Variants in UBE2E2 observed in about 807,000 individuals in gnomAD.
UBE2E2 encodes ubiquitin-conjugating enzyme E2 E2.
Under a neutral mutation model 24.7 loss-of-function variants are expected in UBE2E2, and 6 were observed. The ratio of observed to expected loss-of-function variants is 0.24; its 90% CI spans 0.13 to 0.48. The LOEUF (loss-of-function observed/expected upper bound fraction) is 0.48, where lower values mean the gene tolerates loss of function less well. Ranked by LOEUF, UBE2E2 falls within the 20% of genes least tolerant of loss-of-function variation. The pLI, the probability that UBE2E2 is intolerant of heterozygous loss-of-function variation, is 0.99. For synonymous variants in UBE2E2, 104 were observed against 83.6 expected (o/e 1.24, Z -1.33); for missense variants, 169 against 245.0 (o/e 0.69, Z 2.07).
intron 3 of UBE2E2, among the ~76,000 whole-genome samples, chr3:23,266,740 A>G (rs561622137): frequency 6.6e-6 from 1 of 152,188 alleles, no homozygotes; most frequent in Non-Finnish European, 1.5e-5. Flanking sequence ...CCCCAAATCA[A>G]CAGAATATAC....
rs1532356 is a variant in UBE2E2, at chr3:23,322,913, A to G, written c.227+105601A>G. ...TTAGCTGTAGAGTCCTAAGGATTAT[A>G]TATTTATATATTTTTTCTATTAGAC... On this transcript the variant is annotated intron_variant, in intron 3 of 5. Transcript: ENST00000396703. Among the ~76,000 whole-genome samples the G allele has an allele frequency of 6.6e-3, 1,000 of 152,102 alleles. 43 individuals carry two copies. Among genetic ancestry groups the G allele is most frequent in the Admixed American group, 0.06 (922 of 15,256 alleles).
At chr3:23,286,330 G>A (rs906060319) in intron 3 of UBE2E2, among the ~76,000 whole-genome samples, 61 of 152,070 alleles carry the variant, frequency 4.0e-4, no homozygotes, top group African/African-American at 1.4e-3. Context: ...TTTTGTATAT[G>A]GTGAGAGATA....
At chr3:23,423,812 C>T (rs1472819358) in intron 3 of UBE2E2, among the ~76,000 whole-genome samples, 6 of 152,178 alleles carry the variant, frequency 3.9e-5, no homozygotes, top group African/African-American at 1.4e-4. Flanking sequence ...CTTCCTAAAT[C>T]TCCGATCAGT....
intron 3 of UBE2E2, among the ~76,000 whole-genome samples, chr3:23,228,024 T>C (rs919663697): frequency 6.6e-5 from 10 of 152,240 alleles, no homozygotes; most frequent in African/African-American, 2.4e-4. Flanking sequence ...GGGAACTTTA[T>C]GTATAATAGT....
At chr3:23,454,692 C>A (rs921469799) in intron 3 of UBE2E2, among the ~76,000 whole-genome samples, 6 of 152,186 alleles carry the variant, frequency 3.9e-5, no homozygotes, top group Non-Finnish European at 7.3e-5. Context: ...CGTGAATATG[C>A]ACCTAGAATA....
At chr3:23,418,894 A>T (rs1449931787) in intron 3 of UBE2E2, among the ~76,000 whole-genome samples, 1 of 151,114 alleles carries the variant, frequency 6.6e-6, no homozygotes, top group East Asian at 1.9e-4. Context: ...GGCAGTAAGG[A>T]TGTTAGATTA....
At chr3:23,350,947 A>C (rs376886005) in intron 3 of UBE2E2, among the ~76,000 whole-genome samples, 1 of 152,172 alleles carries the variant, frequency 6.6e-6, no homozygotes, top group Non-Finnish European at 1.5e-5. Context: ...GATTCACCAA[A>C]GTTGAAATGA....
chr3:23,559,396 A>G (rs1416870206), intron 5 of UBE2E2, among the ~76,000 whole-genome samples: 1 of 152,098 alleles, frequency 6.6e-6, no homozygotes, highest in Non-Finnish European at 1.5e-5. Context: ...TCCTCACCAC[A>G]CACTAGATTA....
intron 4 of UBE2E2, among the ~76,000 whole-genome samples, chr3:23,502,253 T>A (rs1371874795): frequency 6.7e-6 from 1 of 149,804 alleles, no homozygotes; most frequent in Non-Finnish European, 1.5e-5. Flanking sequence ...TTTTTCACGT[T>A]AGCCATGCAT....
At chr3:23,539,218 A>G (rs1393153737) in intron 5 of UBE2E2, among the ~76,000 whole-genome samples, 1 of 152,196 alleles carries the variant, frequency 6.6e-6, no homozygotes, top group African/African-American at 2.4e-5. Flanking sequence ...ATAACCAACA[A>G]TTTGATATCC....
chr3:23,513,422 A>G (rs1694653143), intron 4 of UBE2E2, among the ~76,000 whole-genome samples: 1 of 84,386 alleles, frequency 1.2e-5, no homozygotes, highest in Non-Finnish European at 2.7e-5. Flanking sequence ...ATCACATAAT[A>G]TTATATTGAA....
At chr3:23,269,417 T>G (rs980994348) in intron 3 of UBE2E2, among the ~76,000 whole-genome samples, 1 of 152,154 alleles carries the variant, frequency 6.6e-6, no homozygotes, top group African/African-American at 2.4e-5. Context: ...CAAAGGCTTT[T>G]GGGGCTCTAT....
rs1331036484 is a variant in UBE2E2, at chr3:23,407,625, GTGTTTGTGTGTGCATGCGTGCA to G, written c.228-91979_228-91958del. Among the ~76,000 whole-genome samples, 1 of 145,240 alleles carries G rather than the reference GTGTTTGTGTGTGCATGCGTGCA, an allele frequency of 6.9e-6. No homozygotes were observed. Among genetic ancestry groups the G allele is most frequent in the Non-Finnish European group, 1.5e-5 (1 of 67,442 alleles). ...TGTTTTGGGAGGAGTGCATGTGTGT[GTGTTTGTGTGTGCATGCGTGCA>G]TGTGTGTGTGTGTGTGTGTGTGTGT... is the stretch of plus-strand genomic sequence containing the variant. On this transcript the variant is annotated intron_variant, in intron 3 of 5. Coordinates refer to ENST00000396703, the MANE Select transcript of UBE2E2 (RefSeq NM_152653.4). The surrounding 1 kb of genome is among the most constrained non-coding windows in gnomAD (Gnocchi z 4.0).
intron 3 of UBE2E2, among the ~76,000 whole-genome samples, chr3:23,269,315 C>G (rs892247258): frequency 6.6e-6 from 1 of 152,176 alleles, no homozygotes; most frequent in Non-Finnish European, 1.5e-5. Context: ...TGACAAAGGG[C>G]TAATATCCAG....
chr3:23,257,188 T>A (rs1697749110), intron 3 of UBE2E2, among the ~76,000 whole-genome samples: 1 of 152,174 alleles, frequency 6.6e-6, no homozygotes, highest in South Asian at 2.1e-4. Context: ...ACTCCAAACC[T>A]GAACTGTAAT....
At chr3:23,428,663 C>T (rs1697984966) in intron 3 of UBE2E2, among the ~76,000 whole-genome samples, 1 of 151,932 alleles carries the variant, frequency 6.6e-6, no homozygotes. Flanking sequence ...AGAGAAGACA[C>T]ACGTTACTAA....
chr3:23,298,688 G>A (rs1339408722), intron 3 of UBE2E2, among the ~76,000 whole-genome samples: 2 of 151,770 alleles, frequency 1.3e-5, no homozygotes, highest in African/African-American at 2.4e-5. Context: ...GATTCGGTTT[G>A]CCAGTATTTT....
In UBE2E2 at chr3:23,579,118, C is replaced by T. The variant is rs191614541; in HGVS notation, c.509-10616C>T. ...TATTATTTAAGAAAACTAGGCAGGG[C>T]GTGGTGGCTCATGCCTATAATCCCA... is the stretch of plus-strand genomic sequence containing the variant. On this transcript the variant is annotated intron_variant, in intron 5 of 5. Transcript: ENST00000396703. 2.4e-4 allele frequency among the ~76,000 whole-genome samples: 37 copies of T among 152,206 alleles called. No homozygotes were observed. In the South Asian group the frequency reaches 5.0e-3, roughly 20 times the overall value.
At chr3:23,444,422 C>G (rs1396997005) in intron 3 of UBE2E2, among the ~76,000 whole-genome samples, 3 of 152,170 alleles carry the variant, frequency 2.0e-5, no homozygotes, top group Non-Finnish European at 4.4e-5. Context: ...TATTGGAACT[C>G]TTACATGTCC....
Sources: gnomAD v4.1 joint callset for allele counts (sites outside exome capture counted in the v4.1 genomes callset) on GRCh38, gnomAD v4.1.1 for gene constraint, Gnocchi (gnomAD v3.1) non-coding constraint, MANE v1.5 for transcripts, NCBI Gene and HGNC (gene_info 2026-07-23, HGNC 2026-07-21) for gene names.